RGS7: variants seen among roughly 807,000 people sequenced by gnomAD.
RGS7 encodes regulator of G-protein signaling 7.
A neutral mutation model predicts 81.1 loss-of-function variants in RGS7; 27 were observed. The ratio of observed to expected loss-of-function variants is 0.33; its 90% CI spans 0.25 to 0.46. RGS7 has a LOEUF of 0.46. RGS7 is among the 20% of genes least tolerant of loss of function. RGS7 has a pLI of 1.00. For synonymous variants in RGS7, 208 were observed against 207.7 expected (o/e 1.00, Z -0.01); for missense variants, 396 against 607.4 (o/e 0.65, Z 3.66).
chr1:240,996,027 T>G (rs2148609806), intron 3 of RGS7, among the ~76,000 whole-genome samples: 1 of 152,248 alleles, frequency 6.6e-6, no homozygotes, highest in East Asian at 1.9e-4. Context: ...TGTTTTTTTT[T>G]TATTTTCCAG....
chr1:241,017,509 T>A (rs532386016), intron 3 of RGS7, among the ~76,000 whole-genome samples: 1 of 152,124 alleles, frequency 6.6e-6, no homozygotes, highest in African/African-American at 2.4e-5. Context: ...CTTTTTTTTA[T>A]GTTGCTTCTT....
At chr1:241,237,662 AAC>A (rs1390061153) in intron 2 of RGS7, among the ~76,000 whole-genome samples, 2 of 152,156 alleles carry the variant, frequency 1.3e-5, no homozygotes, top group African/African-American at 2.4e-5. Flanking sequence ...AATGTTGAGA[AAC>A]ACACCCTTCA....
downstream of RGS7, among the ~76,000 whole-genome samples, chr1:240,775,318 A>G (rs1293634918): frequency 6.6e-6 from 1 of 152,198 alleles, no homozygotes; most frequent in East Asian, 1.9e-4. Flanking sequence ...ATGGGAGAAA[A>G]AGGATTACTA....
intron 2 of RGS7, among the ~76,000 whole-genome samples, chr1:241,115,949 G>T (rs572897090): frequency 6.9e-4 from 105 of 152,186 alleles, no homozygotes; most frequent in Non-Finnish European, 1.3e-3. Context: ...TGAGTGAGTT[G>T]TCGCAATATC....
intron 2 of RGS7, among the ~76,000 whole-genome samples, chr1:241,337,622 CG>C (rs2082321468): frequency 6.6e-6 from 1 of 152,162 alleles, no homozygotes; most frequent in East Asian, 1.9e-4. Context: ...ACTAAATGCA[CG>C]GTTTCCAAAG....
chr1:240,828,640 A>G (rs1693276373), intron 9 of RGS7, among the ~76,000 whole-genome samples: 1 of 152,198 alleles, frequency 6.6e-6, no homozygotes, highest in African/African-American at 2.4e-5. Context: ...TACAAAAATT[A>G]GCAGGACATG....
intron 4 of RGS7, among the ~76,000 whole-genome samples, chr1:240,978,100 G>A (rs989127728): frequency 1.3e-5 from 2 of 152,110 alleles, no homozygotes; most frequent in African/African-American, 4.8e-5. Flanking sequence ...ACATTAACCA[G>A]AATGCCAACT....
chr1:240,971,162 G>A lies in RGS7; in HGVS notation c.226+11917C>T, dbSNP rs144687240. ...TTATAAAAGAGGCTCCAGAGAGCTC[G>A]CTCTCCCCTTCTACCATGTGAGGCC... On this transcript the variant is annotated intron_variant, in intron 4 of 18. Transcript: ENST00000440928. 3.2e-3 allele frequency among the ~76,000 whole-genome samples: 491 copies of A among 152,180 alleles called. 2 individuals are homozygous for A. Among genetic ancestry groups the A allele is most frequent in the African/African-American group, 0.011 (475 of 41,526 alleles).
At chr1:240,949,938 C>A (rs754635854) in intron 4 of RGS7, among the ~76,000 whole-genome samples, 57 of 151,018 alleles carry the variant, frequency 3.8e-4, no homozygotes, top group Non-Finnish European at 6.9e-4. Flanking sequence ...ATCCTTTCGA[C>A]AAAAGAAAAC....
chr1:241,046,332 T>A (rs2060929073), intron 3 of RGS7, among the ~76,000 whole-genome samples: 1 of 146,100 alleles, frequency 6.8e-6, no homozygotes, highest in East Asian at 2.3e-4. Context: ...TCATCCCCAA[T>A]GTCTGTTGTT....
intron 2 of RGS7, among the ~76,000 whole-genome samples, chr1:241,141,020 C>G (rs984570083): frequency 1.3e-5 from 2 of 152,144 alleles, no homozygotes; most frequent in African/African-American, 4.8e-5. Flanking sequence ...TCACCCCAAA[C>G]AGCATAAAAA....
At position 240,823,869 on chromosome 1, in the gene RGS7, T is replaced by A. The variant is rs144974130; in HGVS notation, c.684+3229A>T. 6.8e-3 allele frequency among the ~76,000 whole-genome samples: 975 copies of A among 143,720 alleles called. 9 individuals carry two copies. The highest frequency in any genetic ancestry group is 0.023 in the African/African-American group (886 of 39,336). The allele number at this position is 143,720 out of a possible 152,430, so 94.3% of individuals were successfully genotyped here. On this transcript the variant is annotated intron_variant, in intron 10 of 18. Coordinates refer to ENST00000440928, the MANE Select transcript of RGS7 (RefSeq NM_001364886.1). ...GGTTTCTCTGGAGAACTCTGGCTAA[T>A]ACAGAATCTATTACAGTAAAAATTT...
In RGS7 at chr1:241,100,875, C is replaced by A. The variant is rs191864019; in HGVS notation, c.79-2113G>T. 1.4e-4 allele frequency among the ~76,000 whole-genome samples: 21 copies of A among 152,344 alleles called. No individual in the cohort carries two copies. The East Asian group carries it at 3.7e-3, about 27-fold the overall frequency. The stretch of plus-strand genomic sequence containing the variant: ...TTTCCATGTGGAAGGAGCGCCATTA[C>A]CCTAATCCCCTTGCCTTGTCTCTGC... On this transcript the variant is annotated intron_variant, in intron 2 of 18. Transcript: ENST00000440928.
intron 2 of RGS7, among the ~76,000 whole-genome samples, chr1:241,190,069 C>T (rs1030943812): frequency 6.6e-6 from 1 of 151,944 alleles, no homozygotes; most frequent in Non-Finnish European, 1.5e-5. Flanking sequence ...CGCCACTGCA[C>T]TCCAGCCTGG....
intron 3 of RGS7, among the ~76,000 whole-genome samples, chr1:241,034,668 A>C (rs1247498627): frequency 6.6e-6 from 1 of 152,236 alleles, no homozygotes; most frequent in Non-Finnish European, 1.5e-5. Flanking sequence ...GAATGCAAGT[A>C]GATTTATAAT....
chr1:241,124,350 C>T (rs2066502744), intron 2 of RGS7, among the ~76,000 whole-genome samples: 1 of 152,084 alleles, frequency 6.6e-6, no homozygotes, highest in African/African-American at 2.4e-5. Flanking sequence ...AACTCCATTG[C>T]ACCACTGCAC....
rs548607722 is a variant in RGS7, at chr1:240,973,840, A to G, written c.226+9239T>C. ...TGTGATCCATCCGCCTCGGCCTCCC[A>G]AAGTGCTGGGATTACAGGCGTGAGC... On this transcript the variant is annotated intron_variant, in intron 4 of 18. Transcript: ENST00000440928. Among the ~76,000 whole-genome samples, 3 of 152,126 alleles carry G rather than the reference A, an allele frequency of 2.0e-5. No homozygotes were observed. In the South Asian group the frequency reaches 6.2e-4, roughly 32 times the overall value.
intron 2 of RGS7, among the ~76,000 whole-genome samples, chr1:241,326,327 T>C (rs2081489906): frequency 6.6e-6 from 1 of 152,222 alleles, no homozygotes; most frequent in South Asian, 2.1e-4. Context: ...AAGAATTGGA[T>C]AAACCATAGG....
intron 6 of RGS7, among the ~76,000 whole-genome samples, chr1:240,918,011 C>A (rs1045701111): frequency 6.6e-6 from 1 of 152,124 alleles, no homozygotes; most frequent in African/African-American, 2.4e-5. Context: ...GGATAAATTT[C>A]TTTTATTGCA....
Sources: allele counts gnomAD v4.1 joint callset (sites outside exome capture counted in the v4.1 genomes callset), GRCh38; gene constraint gnomAD v4.1.1; transcripts MANE v1.5; gene names NCBI Gene and HGNC (gene_info 2026-07-23, HGNC 2026-07-21).